The following PAK3 variants were observed in gnomAD, a reference collection of about 807,000 sequenced individuals.
PAK3 encodes serine/threonine-protein kinase PAK 3.
A neutral mutation model predicts 41.0 loss-of-function variants in PAK3; 4 were observed. That is an observed-to-expected ratio of 0.10 (90% CI 0.05 to 0.22). The LOEUF (loss-of-function observed/expected upper bound fraction) is 0.22. PAK3 is among the 10% of genes least tolerant of loss of function. PAK3 has a pLI of 1.00. For missense variants in PAK3, 205 were observed against 409.9 expected, an observed-to-expected ratio of 0.50 and a Z score of 4.32; for synonymous variants, 146 against 139.6, an observed-to-expected ratio of 1.05 and a Z score of -0.32.
At chrX:110,995,993 A>G (rs2091732916) in intron 1 of PAK3, among the ~76,000 whole-genome samples, 1 of 112,027 alleles carries the variant, frequency 8.9e-6, no homozygotes, top group South Asian at 3.7e-4. Context: ...TGTCTCAAGT[A>G]GGTTCTTGTC....
At chrX:110,975,788 G>A (rs1349296803) in intron 1 of PAK3, among the ~76,000 whole-genome samples, 4 of 110,831 alleles carry the variant, frequency 3.6e-5, no homozygotes, top group African/African-American at 1.3e-4. Context: ...TAGAATAGAG[G>A]CCTCAGAAAT....
chrX:111,147,788 T>C lies in PAK3; in HGVS notation c.328T>C (p.Leu110=), dbSNP rs149924049. Residue 110 remains leucine, a synonymous_variant, in exon 7 of 18, where the codon TTG becomes CTG. Transcript: ENST00000372007. ...ACTCCAAACTTCCAACATAACAAAA[T>C]TGGAACAGAAGAAGAACCCACAAGC... ...RLLQTSNITK[L]EQKKNPQAVL... 133 of 1,202,929 alleles carry C rather than the reference T, an allele frequency of 1.1e-4. No homozygotes were observed. In the African/African-American group the frequency reaches 2.2e-3, roughly 19 times the overall value.
chrX:110,989,166 C>A (rs1320170299), intron 1 of PAK3, among the ~76,000 whole-genome samples: 1 of 111,549 alleles, frequency 9.0e-6, no homozygotes, highest in Non-Finnish European at 1.9e-5. Context: ...TCATTATGGT[C>A]CTGTGGGAAT....
chrX:110,994,957 G>A (rs892433450), intron 1 of PAK3, among the ~76,000 whole-genome samples: 1 of 111,965 alleles, frequency 8.9e-6, no homozygotes, highest in Non-Finnish European at 1.9e-5. Flanking sequence ...CATATGTAAA[G>A]CACACAACAC....
Position 111,220,384 on chromosome X carries a change from T to A in PAK3, c.1572T>A (p.Pro524=), listed in dbSNP as rs1335845660. The change falls in exon 18 of 18, where the codon CCT becomes CCA. Residue 524 remains proline, a synonymous_variant. Transcript: ENST00000372007. ...LQHPFLKLAK[P]LSSLTPLIIA... ...ATCCATTTTTAAAATTAGCCAAGCC[T>A]CTCTCCAGCCTGACTCCTCTGATTA... The A allele has an allele frequency of 1.7e-6, 2 of 1,203,045 alleles. No individual in the cohort carries two copies. Among genetic ancestry groups the A allele is most frequent in the South Asian group, 3.5e-5 (2 of 56,675 alleles).
At chrX:111,005,230 G>C (rs2091904430) in intron 1 of PAK3, among the ~76,000 whole-genome samples, 1 of 111,114 alleles carries the variant, frequency 9.0e-6, no homozygotes, top group Non-Finnish European at 1.9e-5. Flanking sequence ...CAGATGTTTG[G>C]GTGGGAGGGG....
At chrX:111,068,511 A>G (rs1013497734) in intron 1 of PAK3, among the ~76,000 whole-genome samples, 2 of 112,112 alleles carry the variant, frequency 1.8e-5, no homozygotes, top group African/African-American at 6.5e-5. Context: ...CATGTTGCTT[A>G]GGCTGGTCTT....
chrX:111,008,775 G>T (rs1207141001), intron 1 of PAK3, among the ~76,000 whole-genome samples: 1 of 112,020 alleles, frequency 8.9e-6, no homozygotes, highest in Non-Finnish European at 1.9e-5. Flanking sequence ...GCTTAATAAG[G>T]GTTGAGTGTT....
chrX:111,068,286 C>T (rs2092715830), intron 1 of PAK3, among the ~76,000 whole-genome samples: 1 of 111,072 alleles, frequency 9.0e-6, no homozygotes, highest in African/African-American at 3.3e-5. Context: ...TTCCAATTCC[C>T]ATAGGCTTGT....
intron 7 of PAK3, among the ~76,000 whole-genome samples, chrX:111,149,253 C>A (rs1265401528): frequency 8.9e-6 from 1 of 111,771 alleles, no homozygotes; most frequent in Non-Finnish European, 1.9e-5. Flanking sequence ...TTGCAGGGTC[C>A]AGCCTCCCTC....
At chrX:111,068,662 C>A in intron 1 of PAK3, among the ~76,000 whole-genome samples, 1 of 112,000 alleles carries the variant, frequency 8.9e-6, no homozygotes, top group Non-Finnish European at 1.9e-5. Context: ...TAGCTTAGTT[C>A]GTTGACTTTT....
intron 1 of PAK3, among the ~76,000 whole-genome samples, chrX:111,033,175 C>T (rs764376966): frequency 9.0e-6 from 1 of 111,309 alleles, no homozygotes; most frequent in East Asian, 2.8e-4. Context: ...TGGCCATAGC[C>T]CTCTACACAT....
intron 8 of PAK3, among the ~76,000 whole-genome samples, chrX:111,159,735 A>AGCCCAGTTGTTGTATAGCT (rs1389820681): frequency 8.9e-6 from 1 of 112,351 alleles, no homozygotes; most frequent in Non-Finnish European, 1.9e-5. Flanking sequence ...TATACAATAT[A>AGCCCAGTTGTTGTATAGCT]ATAGCCCAGT....
chrX:111,203,430 T>C (rs753805094), intron 16 of PAK3, among the ~76,000 whole-genome samples: 1 of 111,603 alleles, frequency 9.0e-6, no homozygotes, highest in African/African-American at 3.2e-5. Flanking sequence ...TAAAATGGGC[T>C]AGCTGCTGAC....
At chrX:111,197,297 G>A (rs1364227685) in intron 16 of PAK3, among the ~76,000 whole-genome samples, 2 of 112,188 alleles carry the variant, frequency 1.8e-5, no homozygotes, top group East Asian at 5.6e-4. Context: ...TGGTGTATAT[G>A]TTCCACATTT....
At chrX:110,989,398 A>G (rs1282489261) in intron 1 of PAK3, among the ~76,000 whole-genome samples, 2 of 112,678 alleles carry the variant, frequency 1.8e-5, no homozygotes, top group Middle Eastern at 9.1e-3. Context: ...AGGAAGATTG[A>G]AAATCAAATT....
At chrX:111,062,355 A>G (rs2092663740) in intron 1 of PAK3, among the ~76,000 whole-genome samples, 1 of 112,009 alleles carries the variant, frequency 8.9e-6, no homozygotes, top group Non-Finnish European at 1.9e-5. Context: ...AGTTGGTCCT[A>G]ATTTACTAGA....
At chrX:111,178,754 T>G (rs1353063843) in intron 11 of PAK3, among the ~76,000 whole-genome samples, 1 of 109,776 alleles carries the variant, frequency 9.1e-6, no homozygotes, top group Non-Finnish European at 1.9e-5. Flanking sequence ...AGGGTACACT[T>G]GAGAGTGACA....
chrX:111,133,848 C>T (rs1164306994), intron 5 of PAK3, among the ~76,000 whole-genome samples: 1 of 111,956 alleles, frequency 8.9e-6, no homozygotes, highest in Non-Finnish European at 1.9e-5. Context: ...CTTTTCATTG[C>T]TTTTAAAAAG....
Sources: allele counts gnomAD v4.1 joint callset (sites outside exome capture counted in the v4.1 genomes callset), GRCh38; gene constraint gnomAD v4.1.1; transcripts MANE v1.5; gene names NCBI Gene and HGNC (gene_info 2026-07-23, HGNC 2026-07-21).